The following CCR6 variants were observed in gnomAD, a reference collection of about 807,000 sequenced individuals.
The protein encoded by CCR6 is C-C motif chemokine receptor 6, also known as C-C chemokine receptor type 6.
A neutral mutation model predicts 3.0 loss-of-function variants in CCR6; 2 were observed. The observed-to-expected ratio is 0.66, with a 90% confidence interval of 0.27 to 2.07. The LOEUF (loss-of-function observed/expected upper bound fraction) is 2.07. CCR6 is among the 30% of genes most tolerant of loss of function. CCR6 has a pLI of 0.14. For missense variants in CCR6, 322 were observed against 462.8 expected, an observed-to-expected ratio of 0.70 and a Z score of 2.79; for synonymous variants, 193 against 184.3, an observed-to-expected ratio of 1.05 and a Z score of -0.38.
At chr6:167,135,962 G>A (rs1781843684) in intron 1 of CCR6, 76 bp from the exon 2 acceptor site, 1 of 682,698 alleles carries the variant, frequency 1.5e-6, no homozygotes, top group African/African-American at 1.8e-5. Flanking sequence ...GAGATGGAAT[G>A]CTGGTAACTT....
rs1393279034 is a variant in CCR6, at chr6:167,136,203, T to C, written c.10-37T>C. On this transcript the variant is annotated intron_variant, in intron 2 of 2. Transcript: ENST00000341935. The surrounding 1 kb of genome is among the most constrained non-coding windows in gnomAD (Gnocchi z 4.6). The stretch of plus-strand genomic sequence containing the variant: ...GGGTTCACTGTGGCTACTTGAACAC[T>C]ACACTGCAGCTAACTCTATCTTTGT... 4 of 1,610,376 alleles carry C rather than the reference T, an allele frequency of 2.5e-6. No individual in the cohort carries two copies. Among genetic ancestry groups the C allele is most frequent in the Middle Eastern group, 1.6e-4 (1 of 6,074 alleles).
At chr6:167,112,754 G>A (rs577370257) in intron 1 of CCR6, among the ~76,000 whole-genome samples, 7 of 152,250 alleles carry the variant, frequency 4.6e-5, no homozygotes, top group African/African-American at 1.2e-4. Context: ...GCGTGCTGAC[G>A]AAGGTGGGAT....
At chr6:167,112,000 G>A (rs1403048600) in exon 1 of CCR6, 1 of 152,222 alleles carries the variant, frequency 6.6e-6, no homozygotes, top group Admixed American at 6.5e-5. Flanking sequence ...GGAACAGACA[G>A]CTCCTTCTTT....
At chr6:167,123,945 C>G (rs1781627178) in intron 1 of CCR6, among the ~76,000 whole-genome samples, 1 of 152,122 alleles carries the variant, frequency 6.6e-6, no homozygotes, top group Admixed American at 6.5e-5. Flanking sequence ...AATCCCGTCT[C>G]TACTAAAAAT....
At chr6:167,122,950 T>G (rs1460967372), upstream of CCR6, 1 of 152,430 alleles carries the variant, frequency 6.6e-6, no homozygotes, top group Non-Finnish European at 1.5e-5. The surrounding 1 kb of genome is among the most constrained non-coding windows in gnomAD (Gnocchi z 4.2). Flanking sequence ...TACCATTGGT[T>G]GGACTTTGAT....
At chr6:167,135,352 A>T (rs1369655770) in intron 1 of CCR6, among the ~76,000 whole-genome samples, 2 of 152,214 alleles carry the variant, frequency 1.3e-5, no homozygotes, top group African/African-American at 4.8e-5. Flanking sequence ...CTGCCACAGC[A>T]GATTCATGCT....
chr6:167,122,375 G>A (rs1297462344), upstream of CCR6, among the ~76,000 whole-genome samples: 1 of 152,176 alleles, frequency 6.6e-6, no homozygotes, highest in Admixed American at 6.5e-5. The surrounding 1 kb of genome is among the most constrained non-coding windows in gnomAD (Gnocchi z 4.2). Flanking sequence ...TGAGTGACTT[G>A]TCGTCAGCTG....
At chr6:167,135,816 G>A (rs1008936244) in intron 1 of CCR6, among the ~76,000 whole-genome samples, 8 of 152,216 alleles carry the variant, frequency 5.3e-5, no homozygotes, top group African/African-American at 1.7e-4. Flanking sequence ...CAGATTTGAG[G>A]AGCTGTGACA....
In CCR6 at chr6:167,123,096, G is replaced by T. The variant is rs1341262468; in HGVS notation, c.-225G>T. 6.5e-6 allele frequency: 1 copy of T among 152,764 alleles called. No individual in the cohort carries two copies. The highest frequency in any genetic ancestry group is 2.4e-5 in the African/African-American group (1 of 41,454). The allele number at this position is 152,764 out of a possible 1,614,324, so 9.5% of individuals were successfully genotyped here. A position where few individuals can be genotyped will look rare whatever the true frequency, so the allele number is the denominator to read the frequency against. ...TTTTGGGCAATTCTAGTAGCTCACC[G>T]CTTTTTTCTTAATGACTGCTAGAAG... On this transcript the variant is annotated 5_prime_UTR_variant, in exon 1 of 3. Coordinates refer to ENST00000341935, the MANE Select transcript of CCR6 (RefSeq NM_031409.4).
At chr6:167,131,006 C>CCA (rs1781754213) in intron 1 of CCR6, among the ~76,000 whole-genome samples, 1 of 150,838 alleles carries the variant, frequency 6.6e-6, no homozygotes, top group African/African-American at 2.4e-5. Flanking sequence ...CCCTTTGGGA[C>CCA]CCCTCCTTCT....
rs532344256 is a variant in CCR6 at position 167,132,634 on chromosome 6, G to A, written c.-97-3404G>A. Reference sequence around the variant, plus strand: ...CAGCTCATTGCAACCTCCGCCTCCCGGGTTCAACTGATTCTCCTGCCTCAG... The same window carrying A: ...CAGCTCATTGCAACCTCCGCCTCCCAGGTTCAACTGATTCTCCTGCCTCAG... On this transcript the variant is annotated intron_variant, in intron 1 of 2. Transcript: ENST00000341935. 1.1e-4 allele frequency among the ~76,000 whole-genome samples: 17 copies of A among 152,240 alleles called. No individual in the cohort carries two copies. The South Asian group carries it at 1.2e-3, about 11-fold the overall frequency.
In CCR6 at chr6:167,138,246, G is replaced by T. The variant is rs1781879546; in HGVS notation, c.*891G>T. On this transcript the variant is annotated 3_prime_UTR_variant, in exon 3 of 3. Coordinates refer to ENST00000341935, the MANE Select transcript of CCR6 (RefSeq NM_031409.4). ...GATTTGATTAATGAATCGTAATGAAGTTGGGGTTTATTGTACAGTTTAAAA... is the reference window on the plus strand; with the variant it reads ...GATTTGATTAATGAATCGTAATGAATTTGGGGTTTATTGTACAGTTTAAAA... 6.6e-6 allele frequency: 1 copy of T among 152,008 alleles called. No individual in the cohort carries two copies. The highest frequency in any genetic ancestry group is 6.5e-5 in the Admixed American group (1 of 15,274). 9.4% of individuals were successfully genotyped at this position (152,008 alleles called of 1,614,324 possible). A position where few individuals can be genotyped will look rare whatever the true frequency, so the allele number is the denominator to read the frequency against.
At chr6:167,132,527 C>CTG (rs986265286) in intron 1 of CCR6, among the ~76,000 whole-genome samples, 82 of 150,894 alleles carry the variant, frequency 5.4e-4, no homozygotes, top group East Asian at 3.7e-3. Context: ...GTGTGTGTGT[C>CTG]TGTGTGTGTG....
At chr6:167,112,507 C>T (rs1781430657) in intron 1 of CCR6, among the ~76,000 whole-genome samples, 1 of 152,202 alleles carries the variant, frequency 6.6e-6, no homozygotes, top group Non-Finnish European at 1.5e-5. Flanking sequence ...GAGCAGTCAT[C>T]TCTATGAGCC....
At chr6:167,133,370 C>T (rs530413616) in intron 1 of CCR6, among the ~76,000 whole-genome samples, 5 of 152,202 alleles carry the variant, frequency 3.3e-5, no homozygotes, top group African/African-American at 1.2e-4. Flanking sequence ...GTTCTTTTCC[C>T]ATTGAGTTAC....
intron 1 of CCR6, among the ~76,000 whole-genome samples, chr6:167,134,177 G>T (rs960778234): frequency 3.3e-5 from 5 of 151,968 alleles, no homozygotes; most frequent in Non-Finnish European, 7.4e-5. Flanking sequence ...CATTTTGTAG[G>T]TTTTTCTAGT....
chr6:167,120,063 C>T (rs574837617), upstream of CCR6, among the ~76,000 whole-genome samples: 2 of 152,190 alleles, frequency 1.3e-5, no homozygotes, highest in East Asian at 3.9e-4. Flanking sequence ...AGAAAACTGC[C>T]CCAGTTATCT....
chr6:167,123,039 T>G (rs1377114066), upstream of CCR6: 2 of 152,804 alleles, frequency 1.3e-5, no homozygotes, highest in Non-Finnish European at 2.9e-5. Context: ...TAGGCGTTAC[T>G]TTTCAATAGG....
chr6:167,137,252 A>G lies in CCR6; in HGVS notation c.1022A>G (p.Tyr341Cys), dbSNP rs1349771000. ...GACCTGTGGTGTGTGAGAAGGAAGT[A>G]CAAGTCCTCAGGCTTCTCCTGTGCC... ...LKDLWCVRRKYKSSGFSCAGR... is the reference protein window; with the variant it reads ...LKDLWCVRRKCKSSGFSCAGR... Residue 341 changes from tyrosine to cysteine, a missense_variant, in exon 3 of 3, where the codon TAC (tyrosine) becomes TGC (cysteine). Tyr to Cys is a radical substitution (Grantham distance 194, BLOSUM62 -2). Transcript: ENST00000341935. The surrounding 1 kb of genome is among the most constrained non-coding windows in gnomAD (Gnocchi z 4.6). 6.2e-7 allele frequency: 1 copy of G among 1,614,072 alleles called. No individual in the cohort carries two copies. The highest frequency in any genetic ancestry group is 8.5e-7 in the Non-Finnish European group (1 of 1,180,028).
Sources: allele counts gnomAD v4.1 joint callset (sites outside exome capture counted in the v4.1 genomes callset), GRCh38; gene constraint gnomAD v4.1.1; non-coding constraint Gnocchi (gnomAD v3.1); transcripts MANE v1.5; gene names NCBI Gene and HGNC (gene_info 2026-07-23, HGNC 2026-07-21).